The following GRIK3 variants were observed in gnomAD, a reference collection of about 807,000 sequenced individuals.
GRIK3 encodes the protein glutamate ionotropic receptor kainate type subunit 3.
A neutral mutation model predicts 102.5 loss-of-function variants in GRIK3; 29 were observed. The observed-to-expected ratio is 0.28, with a 90% CI of 0.21 to 0.39. The LOEUF (loss-of-function observed/expected upper bound fraction) is 0.39, where lower values mean the gene tolerates loss of function less well. Ranked by LOEUF, GRIK3 falls within the 10% of genes least tolerant of loss-of-function variation. The pLI, the probability that GRIK3 is intolerant of heterozygous loss-of-function variation, is 1.00. For missense variants in GRIK3, 908 were observed against 1,252.4 expected (o/e 0.73, Z 4.15); for synonymous variants, 511 against 504.9 (o/e 1.01, Z -0.16).
At chr1:36,830,483 C>T (rs1640256479) in intron 10 of GRIK3, among the ~76,000 whole-genome samples, 2 of 152,020 alleles carry the variant, frequency 1.3e-5, no homozygotes, top group East Asian at 1.9e-4. Context: ...GAGGGTGGGC[C>T]CCAAATCCAA....
intron 14 of GRIK3, among the ~76,000 whole-genome samples, chr1:36,805,787 C>T (rs139387445): frequency 0.01 from 1,569 of 151,410 alleles, 30 homozygotes; most frequent in African/African-American, 0.036. Flanking sequence ...AAATACAAAA[C>T]TAGCCAGGCA....
At chr1:37,007,617 C>A (rs1396572684) in intron 1 of GRIK3, among the ~76,000 whole-genome samples, 2 of 152,246 alleles carry the variant, frequency 1.3e-5, no homozygotes, top group Non-Finnish European at 2.9e-5. Context: ...TGAGGACGCA[C>A]AAACGCTCCC....
At chr1:37,021,516 C>A (rs952167950) in intron 1 of GRIK3, among the ~76,000 whole-genome samples, 2 of 152,204 alleles carry the variant, frequency 1.3e-5, no homozygotes, top group African/African-American at 4.8e-5. Context: ...AACTCTCCCC[C>A]AGCCCACAGT....
intron 1 of GRIK3, among the ~76,000 whole-genome samples, chr1:36,943,706 C>A (rs918297792): frequency 1.3e-5 from 2 of 152,208 alleles, no homozygotes; most frequent in Non-Finnish European, 2.9e-5. Flanking sequence ...TTAATGATAG[C>A]CAGCTATCAC....
Position 36,800,591 on chromosome 1 carries a change from G to A in GRIK3, c.*1260C>T, listed in dbSNP as rs540671501. 8.5e-5 allele frequency: 13 copies of A among 152,338 alleles called. No individual in the cohort carries two copies. Among genetic ancestry groups the A allele is most frequent in the African/African-American group, 3.1e-4 (13 of 41,570 alleles). 9.4% of individuals were successfully genotyped at this position (152,338 alleles called of 1,614,324 possible). A position where few individuals can be genotyped will look rare whatever the true frequency, so the allele number is the denominator to read the frequency against. ...TGTGGGGTCTTTGGTTAATTCTCCA[G>A]GAGGCAGCTTCTTCCTCCCCACCCT... On this transcript the variant is annotated 3_prime_UTR_variant, in exon 16 of 16. Coordinates refer to ENST00000373091, the MANE Select transcript of GRIK3 (RefSeq NM_000831.4).
At chr1:36,804,725 G>C (rs1642478584) in intron 15 of GRIK3, 1 of 551,132 alleles carries the variant, frequency 1.8e-6, no homozygotes, top group African/African-American at 1.9e-5. Context: ...GGGAAGCATG[G>C]AGGCTGGAGG....
intron 1 of GRIK3, among the ~76,000 whole-genome samples, chr1:36,905,155 C>A (rs561679393): frequency 3.3e-5 from 5 of 151,824 alleles, no homozygotes; most frequent in African/African-American, 4.8e-5. Context: ...AAAACAACAA[C>A]AAAAAAAGAA....
intron 13 of GRIK3, among the ~76,000 whole-genome samples, chr1:36,814,859 C>T (rs1464751208): frequency 6.6e-6 from 1 of 152,122 alleles, no homozygotes; most frequent in Admixed American, 6.5e-5. Context: ...CACTTGTACA[C>T]ATTCACAGGC....
intron 1 of GRIK3, among the ~76,000 whole-genome samples, chr1:36,964,832 T>C (rs1323342725): frequency 6.6e-6 from 1 of 152,226 alleles, no homozygotes; most frequent in Non-Finnish European, 1.5e-5. Flanking sequence ...CCAAGGCATC[T>C]GACAAATGTC....
intron 1 of GRIK3, among the ~76,000 whole-genome samples, chr1:36,905,901 C>T (rs1387049170): frequency 6.6e-6 from 1 of 152,206 alleles, no homozygotes; most frequent in African/African-American, 2.4e-5. Context: ...ACAAAGCCAT[C>T]TCCATAGGGC....
At position 36,817,183 on chromosome 1, in the gene GRIK3, G is replaced by A; in HGVS notation, c.1968C>T (p.Asn656=). 1.9e-6 allele frequency: 3 copies of A among 1,613,904 alleles called. No individual in the cohort carries two copies. The highest frequency in any genetic ancestry group is 2.5e-6 in the Non-Finnish European group (3 of 1,179,806). The change falls in exon 13 of 16, where the codon AAC becomes AAT. Residue 656 remains asparagine (N), a synonymous_variant. Coordinates refer to ENST00000373091, the MANE Select transcript of GRIK3 (RefSeq NM_000831.4). ...TLIIISSYTA[N]LAAFLTVERM... ...GCTCCACGGTCAGAAAGGCAGCCAG[G>A]TTGGCCGTGTAGGAAGAGATGATGA...
intron 1 of GRIK3, among the ~76,000 whole-genome samples, chr1:37,031,716 A>G (rs1398573021): frequency 6.6e-6 from 1 of 152,042 alleles, no homozygotes; most frequent in African/African-American, 2.4e-5. Flanking sequence ...GATGGGGGGG[A>G]TGGGAAAAGG....
intron 14 of GRIK3, among the ~76,000 whole-genome samples, chr1:36,805,765 C>T (rs1360222782): frequency 2.6e-5 from 4 of 151,558 alleles, no homozygotes; most frequent in Middle Eastern, 3.4e-3. Flanking sequence ...GGAGAAACCC[C>T]GTCTCTACTA....
intron 9 of GRIK3, among the ~76,000 whole-genome samples, chr1:36,846,601 T>C (rs1007374403): frequency 6.6e-6 from 1 of 152,224 alleles, no homozygotes; most frequent in African/African-American, 2.4e-5. Context: ...GCTGGGGCTG[T>C]GCTCTCAGCA....
At chr1:36,823,535 T>C (rs1049497839) in intron 11 of GRIK3, among the ~76,000 whole-genome samples, 1 of 138,824 alleles carries the variant, frequency 7.2e-6, no homozygotes, top group Non-Finnish European at 1.6e-5. Context: ...AACCGTGAGA[T>C]GTCACATAAA....
Position 36,809,622 on chromosome 1 carries a change from C to T in GRIK3, c.2092-3296G>A, listed in dbSNP as rs1416439773. ...TCTAAACTCCTCCTTGTATCCTCCC[C>T]ACACCCCAACACTTTATTCCTCCTA... is the stretch of plus-strand genomic sequence containing the variant. On this transcript the variant is annotated intron_variant, in intron 13 of 15. Coordinates refer to ENST00000373091, the MANE Select transcript of GRIK3 (RefSeq NM_000831.4). 2.6e-5 allele frequency among the ~76,000 whole-genome samples: 4 copies of T among 152,328 alleles called. No homozygotes were observed. The East Asian group carries it at 7.7e-4, about 29-fold the overall frequency.
rs563077807 is a variant in GRIK3, at chr1:36,999,396, G to T, written c.115+34598C>A. On this transcript the variant is annotated intron_variant, in intron 1 of 15. Transcript: ENST00000373091. ...GTCGGGAGCCGGGTTGGGGAGCCAG[G>T]TGAGCACCAGGGCAGGTAGACAGCA... Among the ~76,000 whole-genome samples, 890 of 152,214 alleles carry T rather than the reference G, an allele frequency of 5.8e-3. 6 individuals carry two copies. The highest frequency in any genetic ancestry group is 9.3e-3 in the Non-Finnish European group (632 of 68,014).
chr1:36,941,863 G>C (rs1223206116), intron 1 of GRIK3, among the ~76,000 whole-genome samples: 1 of 152,156 alleles, frequency 6.6e-6, no homozygotes, highest in Non-Finnish European at 1.5e-5. Context: ...TGCAATATAA[G>C]CCCTTCCAAG....
rs144548608 is a variant in GRIK3 at position 36,822,349 on chromosome 1, G to A, written c.1755-2495C>T. On this transcript the variant is annotated intron_variant, in intron 11 of 15. Coordinates refer to ENST00000373091, the MANE Select transcript of GRIK3 (RefSeq NM_000831.4). Reference sequence around the variant, plus strand: ...GCTATCAAATGCCGTTACAGGTTGGGGTCCTCATCGCCTCCCGAGAGGTGA... The same window carrying A: ...GCTATCAAATGCCGTTACAGGTTGGAGTCCTCATCGCCTCCCGAGAGGTGA... 2.8e-3 allele frequency among the ~76,000 whole-genome samples: 431 copies of A among 152,314 alleles called. 6 individuals are homozygous for A. The highest frequency in any genetic ancestry group is 9.7e-3 in the African/African-American group (405 of 41,568).
Sources: allele counts gnomAD v4.1 joint callset (sites outside exome capture counted in the v4.1 genomes callset), GRCh38; gene constraint gnomAD v4.1.1; transcripts MANE v1.5; gene names NCBI Gene and HGNC (gene_info 2026-07-23, HGNC 2026-07-21).